SOHLH1: variants seen among roughly 807,000 people sequenced by gnomAD.
SOHLH1 encodes spermatogenesis and oogenesis specific basic helix-loop-helix 1.
Under a neutral mutation model 36.2 loss-of-function variants are expected in SOHLH1, and 23 were observed. The observed-to-expected ratio is 0.64, with a 90% CI of 0.46 to 0.90. The LOEUF (loss-of-function observed/expected upper bound fraction) is 0.90, where lower values mean the gene tolerates loss of function less well. Ranked by LOEUF, SOHLH1 falls within the 40% of genes least tolerant of loss-of-function variation. The pLI is 0.00. For synonymous variants in SOHLH1, 289 were observed against 228.3 expected (o/e 1.27, Z -2.40); for missense variants, 608 against 517.0 (o/e 1.18, Z -1.71).
chr9:135,693,461 T>C lies in SOHLH1; in HGVS notation c.*136A>G, dbSNP rs1834669692. On this transcript the variant is annotated 3_prime_UTR_variant, in exon 8 of 8. Coordinates refer to ENST00000425225, the MANE Select transcript of SOHLH1 (RefSeq NM_001101677.2). ...CTCTTTAATATTCACTATCCTCTTC[T>C]CACAGCCTGTAAGCCTCGCTCAAAT... 1.6e-6 allele frequency: 2 copies of C among 1,240,388 alleles called. No individual in the cohort carries two copies. Among genetic ancestry groups the C allele is most frequent in the Non-Finnish European group, 2.2e-6 (2 of 913,532 alleles). The allele number at this position is 1,240,388 out of a possible 1,614,324, so 76.8% of individuals were successfully genotyped here.
chr9:135,698,253 A>T, intron 3 of SOHLH1, 76 bp downstream of exon 3: 1 of 1,595,734 alleles, frequency 6.3e-7, no homozygotes, highest in Non-Finnish European at 8.6e-7. Flanking sequence ...GACAGGGGAC[A>T]CACTGCCTGC....
chr9:135,697,949 A>T (rs1046399399), intron 3 of SOHLH1, among the ~76,000 whole-genome samples: 22 of 132,732 alleles, frequency 1.7e-4, no homozygotes, highest in African/African-American at 5.7e-4. Context: ...GAGCCCCCAG[A>T]GCCTTGGAGA....
Position 135,698,399 on chromosome 9 carries a change from G to A in SOHLH1, c.275C>T (p.Ser92Leu), listed in dbSNP as rs771494639. ...QFDGRREDMA[S>L]VLEMSVQFLR... ...GAACTGCACAGACATCTCCAGGACCGAGGCCATGTCCTCCCGCCGGCCATC... is the reference window on the plus strand; with the variant it reads ...GAACTGCACAGACATCTCCAGGACCAAGGCCATGTCCTCCCGCCGGCCATC... The change falls in exon 3 of 8, where the codon TCG becomes TTG. Residue 92 changes from serine (S) to leucine (L), a missense_variant. Physicochemically the swap from Ser to Leu is moderately radical, Grantham distance 145 (BLOSUM62 -2). Transcript: ENST00000425225. The A allele has an allele frequency of 7.4e-6, 12 of 1,612,982 alleles. No homozygotes were observed. The highest frequency in any genetic ancestry group is 2.7e-5 in the African/African-American group (2 of 74,934).
chr9:135,698,122 G>A (rs1448801161), intron 3 of SOHLH1, among the ~76,000 whole-genome samples: 4 of 152,168 alleles, frequency 2.6e-5, no homozygotes, highest in African/African-American at 9.7e-5. Flanking sequence ...GGAAAGGAAG[G>A]CTTGCTCCTT....
chr9:135,698,604 G>A (rs1834904943), intron 2 of SOHLH1, 128 bp from the exon 3 acceptor site: 5 of 1,367,686 alleles, frequency 3.7e-6, no homozygotes, highest in Non-Finnish European at 4.1e-6. Context: ...AGATGACTCA[G>A]AGCTGCCCCC....
At chr9:135,694,119 CA>C in intron 7 of SOHLH1, 1 of 1,430,136 alleles carries the variant, frequency 7.0e-7, no homozygotes, top group Non-Finnish European at 9.1e-7. Flanking sequence ...CTCGCTGACA[CA>C]GGGTCAAGGG....
upstream of SOHLH1, among the ~76,000 whole-genome samples, chr9:135,702,000 G>A (rs1835049416): frequency 6.6e-6 from 1 of 151,766 alleles, no homozygotes; most frequent in Non-Finnish European, 1.5e-5. Context: ...GAGTTTTGAG[G>A]GCTCAGAGGG....
chr9:135,696,711 T>C lies in SOHLH1; in HGVS notation c.562A>G (p.Arg188Gly), dbSNP rs143757358. 854 of 1,613,012 alleles carry C rather than the reference T, an allele frequency of 5.3e-4. 8 individuals are homozygous for C. Among genetic ancestry groups the C allele is most frequent in the South Asian group, 5.1e-3 (461 of 91,084 alleles). The change falls in exon 5 of 8, where the codon AGG becomes GGG. Residue 188 changes from arginine (R) to glycine (G), a missense_variant. Coordinates refer to ENST00000425225, the MANE Select transcript of SOHLH1 (RefSeq NM_001101677.2). Reference protein sequence around the residue: ...EPVPHILASSRQWDPASCTSL... With the variant: ...EPVPHILASSGQWDPASCTSL... ...GTGCAGCTCGCGGGGTCCCACTGCC[T>C]GGAGGACGCAAGGATGTGCGGCACG...
chr9:135,701,988 C>G (rs1422383102), upstream of SOHLH1, among the ~76,000 whole-genome samples: 1 of 152,000 alleles, frequency 6.6e-6, no homozygotes, highest in Non-Finnish European at 1.5e-5. Flanking sequence ...TCCTGTTTTT[C>G]GGAGTTTTGA....
intron 6 of SOHLH1, 121 bp from the exon 7 acceptor site, chr9:135,694,578 CTG>C: frequency 2.9e-6 from 4 of 1,369,756 alleles, no homozygotes; most frequent in Non-Finnish European, 4.0e-6. Flanking sequence ...GGCACCACTC[CTG>C]ACAGGCTCCA....
At chr9:135,694,594 T>C in intron 6 of SOHLH1, 137 bp from the exon 7 acceptor site, 1 of 1,274,308 alleles carries the variant, frequency 7.8e-7, no homozygotes, top group Non-Finnish European at 1.1e-6. Context: ...GGCTCCACCC[T>C]GCCCAGCGGG....
chr9:135,695,552 TC>T (rs1051502748), intron 5 of SOHLH1, among the ~76,000 whole-genome samples: 1 of 152,056 alleles, frequency 6.6e-6, no homozygotes, highest in African/African-American at 2.4e-5. Flanking sequence ...CTGGGGACCC[TC>T]TCAGCACCGC....
chr9:135,700,039 T>C (rs1223742468), upstream of SOHLH1, among the ~76,000 whole-genome samples: 1 of 152,118 alleles, frequency 6.6e-6, no homozygotes, highest in South Asian at 2.1e-4. Context: ...TCCACACTTC[T>C]GGGTCGCCCA....
At chr9:135,694,188 TCACTCACA>T in intron 7 of SOHLH1, 191 bp downstream of exon 7, 1 of 1,440,224 alleles carries the variant, frequency 6.9e-7, no homozygotes, top group South Asian at 1.5e-5. Flanking sequence ...CACATCACGT[TCACTCACA>T]CACTCACATA....
chr9:135,697,541 C>T lies in SOHLH1; in HGVS notation c.432G>A (p.Val144=). The T allele has an allele frequency of 6.2e-7, 1 of 1,612,536 alleles. No individual in the cohort carries two copies. The highest frequency in any genetic ancestry group is 8.5e-7 in the Non-Finnish European group (1 of 1,179,776). The part of the protein sequence containing the change: ...LTLSSQIQAG[V]PDPGTGASSG... Reference sequence around the variant, plus strand: ...TGGACGCTCCCGTCCCAGGGTCTGGCACACCTGCTTGAATCTGACTCGACA... The same window carrying T: ...TGGACGCTCCCGTCCCAGGGTCTGGTACACCTGCTTGAATCTGACTCGACA... The change falls in exon 4 of 8, where the codon GTG becomes GTA. Residue 144 remains valine, a synonymous_variant. Coordinates refer to ENST00000425225, the MANE Select transcript of SOHLH1 (RefSeq NM_001101677.2).
chr9:135,699,257 GC>G, intron 1 of SOHLH1, 131 bp from the exon 2 acceptor site: 1 of 1,500,060 alleles, frequency 6.7e-7, no homozygotes, highest in South Asian at 1.2e-5. Context: ...ACACGGCCCG[GC>G]CCTCTCTGCA....
rs182554663 is a variant in SOHLH1, at chr9:135,695,026, C to T, written c.875+24G>A. 4.2e-4 allele frequency: 651 copies of T among 1,567,378 alleles called. 2 individuals carry two copies. The African/African-American group carries it at 7.0e-3, about 17-fold the overall frequency. On this transcript the variant is annotated intron_variant, in intron 6 of 7. Coordinates refer to ENST00000425225, the MANE Select transcript of SOHLH1 (RefSeq NM_001101677.2). ...ACATGCTCGCTCACGCACACACAGG[C>T]GTGCACACCACCTGGGCACTCACCC...
At chr9:135,697,426 C>T in intron 4 of SOHLH1, 80 bp downstream of exon 4, 15 of 1,569,272 alleles carry the variant, frequency 9.6e-6, no homozygotes, top group South Asian at 6.7e-5. Flanking sequence ...CACACCCTCC[C>T]GAGGACATGC....
At position 135,698,373 on chromosome 9, in the gene SOHLH1, G is replaced by A. The variant is rs185755744; in HGVS notation, c.301C>T (p.Leu101=). The change falls in exon 3 of 8, where the codon CTG becomes TTG. Residue 101 remains leucine (L), a synonymous_variant. Transcript: ENST00000425225. Reference sequence around the variant, plus strand: ...GGCCCCAGGGCGCTGGCAAGCCGCAGGAACTGCACAGACATCTCCAGGACC... The same window carrying A: ...GGCCCCAGGGCGCTGGCAAGCCGCAAGAACTGCACAGACATCTCCAGGACC... ...ASVLEMSVQF[L]RLASALGPSQ... The A allele has an allele frequency of 1.9e-6, 3 of 1,613,120 alleles. No individual in the cohort carries two copies. The African/African-American group carries it at 4.0e-5, about 21-fold the overall frequency.
Sources: gnomAD v4.1 joint callset for allele counts (sites outside exome capture counted in the v4.1 genomes callset) on GRCh38, gnomAD v4.1.1 for gene constraint, MANE v1.5 for transcripts, NCBI Gene and HGNC (gene_info 2026-07-23, HGNC 2026-07-21) for gene names.